HSD17B4: variants seen among roughly 807,000 people sequenced by gnomAD.
HSD17B4 encodes the protein hydroxysteroid 17-beta dehydrogenase 4.
HSD17B4 carries 70 observed loss-of-function variants against 101.0 expected under a neutral mutation model. The ratio of observed to expected loss-of-function variants is 0.69; its 90% CI spans 0.57 to 0.85. HSD17B4 has a LOEUF of 0.85. Ranked by LOEUF, HSD17B4 falls within the 40% of genes least tolerant of loss-of-function variation. The pLI is 0.00. For synonymous variants in HSD17B4, 347 were observed against 297.1 expected, an observed-to-expected ratio of 1.17 and a Z score of -1.73; for missense variants, 984 against 892.4, an observed-to-expected ratio of 1.10 and a Z score of -1.31.
At chr5:119,503,844 G>A (rs572604266) in intron 14 of HSD17B4, among the ~76,000 whole-genome samples, 6 of 152,040 alleles carry the variant, frequency 3.9e-5, no homozygotes, top group African/African-American at 1.4e-4. Flanking sequence ...TTACGTGGGT[G>A]TATTGTGTGA....
chr5:119,471,494 A>C (rs1396182353), intron 2 of HSD17B4: 3 of 399,962 alleles, frequency 7.5e-6, no homozygotes, highest in Non-Finnish European at 1.3e-5. Flanking sequence ...TCCACTTTCA[A>C]CTCTCACCCC....
intron 17 of HSD17B4, among the ~76,000 whole-genome samples, chr5:119,520,393 T>C (rs895800115): frequency 7.9e-5 from 12 of 152,174 alleles, no homozygotes; most frequent in Non-Finnish European, 1.6e-4. Flanking sequence ...CCTTTTTTTA[T>C]AGCCCTCAGT....
In HSD17B4 at chr5:119,494,008, C is replaced by G. The variant is rs910932229; in HGVS notation, c.868+62C>G. 8 of 1,558,100 alleles carry G rather than the reference C, an allele frequency of 5.1e-6. No homozygotes were observed. In the African/African-American group the frequency reaches 1.1e-4, roughly 21 times the overall value. On this transcript the variant is annotated intron_variant, in intron 11 of 23. Transcript: ENST00000510025. The stretch of plus-strand genomic sequence containing the variant: ...AATCAGAGGCAGCAAGCATTTTCTT[C>G]TCTTATGTAGTTGTCTTCTATGTTA...
chr5:119,525,728 TTC>T, intron 18 of HSD17B4, 187 bp from the exon 19 acceptor site: 1 of 576,644 alleles, frequency 1.7e-6, no homozygotes, highest in Non-Finnish European at 3.1e-6. Flanking sequence ...TTTTTTTTCT[TTC>T]TTTCTTTATT....
chr5:119,514,604 A>G (rs1433940523), intron 16 of HSD17B4, among the ~76,000 whole-genome samples: 9 of 152,188 alleles, frequency 5.9e-5, no homozygotes, highest in Non-Finnish European at 1.3e-4. Flanking sequence ...AAAATATGCA[A>G]GGATTTAAAA....
At chr5:119,457,355 C>T (rs1180657896) in intron 2 of HSD17B4, among the ~76,000 whole-genome samples, 1 of 152,212 alleles carries the variant, frequency 6.6e-6, no homozygotes, top group Non-Finnish European at 1.5e-5. Context: ...CAGGGAGACA[C>T]ATATAACAAA....
chr5:119,479,329 A>C (rs1748898584), intron 8 of HSD17B4, among the ~76,000 whole-genome samples: 1 of 152,102 alleles, frequency 6.6e-6, no homozygotes, highest in African/African-American at 2.4e-5. Context: ...TTGTAAAAAT[A>C]CATTATTTTT....
intron 2 of HSD17B4, among the ~76,000 whole-genome samples, chr5:119,460,712 A>G (rs1444825141): frequency 2.6e-5 from 4 of 152,212 alleles, no homozygotes; most frequent in Non-Finnish European, 4.4e-5. Context: ...CAGAGTCCCT[A>G]CTTTCATGGT....
rs1218677434 is a variant in HSD17B4, at chr5:119,477,755, C to A, written c.434+254C>A. 12 of 451,980 alleles carry A rather than the reference C, an allele frequency of 2.7e-5. No individual in the cohort carries two copies. The Admixed American group carries it at 4.1e-4, about 16-fold the overall frequency. The allele number at this position is 451,980 out of a possible 1,614,324, so 28.0% of individuals were successfully genotyped here. A position where few individuals can be genotyped will look rare whatever the true frequency, so the allele number is the denominator to read the frequency against. ...TAAAGATTTTCTTGCTGCTCTCTGG[C>A]AATTTTTATTTTATTTTGAGACATA... is the stretch of plus-strand genomic sequence containing the variant. On this transcript the variant is annotated intron_variant, in intron 7 of 23. Transcript: ENST00000510025.
At chr5:119,520,446 T>A (rs559292815) in intron 17 of HSD17B4, among the ~76,000 whole-genome samples, 6 of 152,314 alleles carry the variant, frequency 3.9e-5, no homozygotes, top group African/African-American at 1.4e-4. Context: ...TCTGTGTAAC[T>A]TCCTCCTCTT....
At chr5:119,452,782 T>C in intron 1 of HSD17B4, 149 bp downstream of exon 1, 2 of 1,553,876 alleles carry the variant, frequency 1.3e-6, no homozygotes, top group Non-Finnish European at 8.6e-7. Context: ...CCGCATCTCT[T>C]GAGGAGGAAA....
chr5:119,533,944 C>G (rs957459574), intron 22 of HSD17B4, among the ~76,000 whole-genome samples: 1 of 151,970 alleles, frequency 6.6e-6, no homozygotes, highest in Non-Finnish European at 1.5e-5. Context: ...TGCAATTTGT[C>G]AGTATTTTAG....
At chr5:119,469,191 A>G (rs913640330) in intron 2 of HSD17B4, among the ~76,000 whole-genome samples, 1 of 151,568 alleles carries the variant, frequency 6.6e-6, no homozygotes. Context: ...CCTTAAGATC[A>G]TCATTTTGAA....
intron 9 of HSD17B4, 151 bp from the exon 10 acceptor site, chr5:119,491,949 C>T (rs1750145727): frequency 1.4e-6 from 1 of 735,816 alleles, no homozygotes; most frequent in Non-Finnish European, 2.5e-6. Context: ...TCATGGGGGC[C>T]AGTGGACTCT....
chr5:119,493,820 C>A lies in HSD17B4; in HGVS notation c.742C>A (p.Arg248Ser). Reference sequence around the variant, plus strand: ...GTTAGTTTTGTTTCTATAACCAGTACGCTGGGAGCGGACTCTTGGAGCTAT... The same window carrying A: ...GTTAGTTTTGTTTCTATAACCAGTAAGCTGGGAGCGGACTCTTGGAGCTAT... ...EVGAGWIGKL[R>S]WERTLGAIVR... Residue 248 changes from arginine to serine, a missense_variant and splice_region_variant, in exon 11 of 24, where the codon CGC becomes AGC. By Grantham distance (110) the Arg-to-Ser change is moderately radical. Coordinates refer to ENST00000510025, the MANE Select transcript of HSD17B4 (RefSeq NM_000414.4). The A allele has an allele frequency of 1.9e-6, 3 of 1,612,630 alleles. No individual in the cohort carries two copies. The highest frequency in any genetic ancestry group is 2.5e-6 in the Non-Finnish European group (3 of 1,178,946).
chr5:119,480,312 G>A (rs913746870), intron 8 of HSD17B4, among the ~76,000 whole-genome samples: 2 of 152,012 alleles, frequency 1.3e-5, no homozygotes, highest in Non-Finnish European at 2.9e-5. Context: ...CGATAATTAC[G>A]TAGGTTCTTT....
intron 2 of HSD17B4, among the ~76,000 whole-genome samples, chr5:119,462,248 A>ATTTTTTTTTTTTTTTTTTTTTTTTTT (rs10524491): frequency 1.7e-4 from 5 of 30,042 alleles, no homozygotes; most frequent in Non-Finnish European, 2.4e-4. Context: ...AACAAATGTG[A>ATTTTTTTTTTTTTTTTTTTTTTTTTT]TTTTTTTTTT....
intron 11 of HSD17B4, among the ~76,000 whole-genome samples, chr5:119,494,818 A>G (rs1750482057): frequency 6.6e-6 from 1 of 152,150 alleles, no homozygotes; most frequent in Non-Finnish European, 1.5e-5. Flanking sequence ...ATTAACTTGA[A>G]TTATTTAATC....
intron 21 of HSD17B4, among the ~76,000 whole-genome samples, chr5:119,530,601 C>T (rs1417832276): frequency 6.6e-6 from 1 of 150,864 alleles, no homozygotes; most frequent in African/African-American, 2.4e-5. Flanking sequence ...GCCTGTAATC[C>T]CAGCCCTTTG....
Sources: gnomAD v4.1 joint callset for allele counts (sites outside exome capture counted in the v4.1 genomes callset) on GRCh38, gnomAD v4.1.1 for gene constraint, MANE v1.5 for transcripts, NCBI Gene and HGNC (gene_info 2026-07-23, HGNC 2026-07-21) for gene names.